TF: variants seen among roughly 807,000 people sequenced by gnomAD.
TF encodes transferrin.
In TF, 55 loss-of-function variants were observed where a neutral mutation model predicts 82.4. The observed-to-expected ratio is 0.67, with a 90% CI of 0.54 to 0.84. TF has a LOEUF of 0.84. Ranked by LOEUF, TF falls within the 40% of genes least tolerant of loss-of-function variation. TF has a pLI of 0.00. For synonymous variants in TF, 332 were observed against 332.6 expected, an observed-to-expected ratio of 1.00 and a Z score of 0.02; for missense variants, 737 against 868.4, an observed-to-expected ratio of 0.85 and a Z score of 1.90.
the TF span, among the ~76,000 whole-genome samples, chr3:133,682,677 C>T: frequency 0.014 from 2,055 of 152,118 alleles, 40 homozygotes; most frequent in African/African-American, 0.046. Context: ...TAAAAAGAAA[C>T]GAACAAAGCC....
At chr3:133,746,525 G>A in intron 1 of TF, 42 bp downstream of exon 1, 1 of 1,571,766 alleles carries the variant, frequency 6.4e-7, no homozygotes, top group Non-Finnish European at 8.6e-7. Flanking sequence ...TCGCTGGCCC[G>A]CGCGTTCCCT....
chr3:133,740,487 T>C, the TF span, among the ~76,000 whole-genome samples: 4 of 152,092 alleles, frequency 2.6e-5, no homozygotes, highest in African/African-American at 4.8e-5. Context: ...CATGCTACCA[T>C]GCCCGGCTAA....
At chr3:133,749,548 C>T (rs1288104238) in intron 2 of TF, among the ~76,000 whole-genome samples, 2 of 152,192 alleles carry the variant, frequency 1.3e-5, no homozygotes, top group Non-Finnish European at 2.9e-5. Flanking sequence ...CAGGGACTCA[C>T]AGAAAAACCT....
intron 14 of TF, chr3:133,774,144 A>T (rs547693106): frequency 7.9e-5 from 12 of 152,162 alleles, no homozygotes; most frequent in Non-Finnish European, 1.6e-4. Flanking sequence ...TATGTGTGTT[A>T]TTTTCCCCTC....
chr3:133,757,079 C>T lies in TF; in HGVS notation c.870+70C>T, dbSNP rs1190944904. ...TTGGATTTGGGGGTTTTCCTCCTGG[C>T]CATCTTGTCACTCTGGAAGTCTGTG... On this transcript the variant is annotated intron_variant, in intron 7 of 16. Transcript: ENST00000402696. The T allele has an allele frequency of 2.5e-6, 4 of 1,588,870 alleles. No individual in the cohort carries two copies. The East Asian group carries it at 6.7e-5, about 27-fold the overall frequency.
the TF span, among the ~76,000 whole-genome samples, chr3:133,708,742 T>C: frequency 6.7e-6 from 1 of 148,870 alleles, no homozygotes; most frequent in Non-Finnish European, 1.5e-5. Context: ...TATAAGTAAA[T>C]ACTATATGTA....
rs553046320 is a variant in TF, at chr3:133,793,103, T to C, written c.*14483T>C. On this transcript the variant is annotated 3_prime_UTR_variant, in exon 17 of 17. Transcript: ENST00000402696. The stretch of plus-strand genomic sequence containing the variant: ...ATTTGGCTTTCTCTCTTGAACAAGA[T>C]TTTCATGCAGTATTAAAAGATAATG... The C allele has an allele frequency of 6.6e-6, 1 of 152,248 alleles. No individual in the cohort carries two copies. The highest frequency in any genetic ancestry group is 2.1e-4 in the South Asian group (1 of 4,818). 9.4% of individuals were successfully genotyped at this position (152,248 alleles called of 1,614,324 possible).
the TF span, among the ~76,000 whole-genome samples, chr3:133,730,703 A>T: frequency 3.9e-5 from 6 of 152,250 alleles, no homozygotes; most frequent in African/African-American, 1.4e-4. Context: ...CCCTTTGAAG[A>T]TTAATAAAAG....
chr3:133,700,415 A>G, the TF span, among the ~76,000 whole-genome samples: 4 of 152,326 alleles, frequency 2.6e-5, no homozygotes, highest in African/African-American at 9.6e-5. Flanking sequence ...TGGAGGCCAG[A>G]AAGGGGAAGG....
chr3:133,713,241 T>C, the TF span, among the ~76,000 whole-genome samples: 2 of 152,344 alleles, frequency 1.3e-5, no homozygotes, highest in Admixed American at 1.3e-4. Flanking sequence ...GAAATATTTA[T>C]TGAGCACCTA....
At chr3:133,665,408 G>A in the TF span, among the ~76,000 whole-genome samples, 105,392 of 149,936 alleles carry the variant, frequency 0.7, 37,396 homozygotes, top group East Asian at 0.94. Flanking sequence ...TCAAGGCTGT[G>A]GTGAGTCATG....
chr3:133,723,688 G>C, the TF span, among the ~76,000 whole-genome samples: 1 of 130,288 alleles, frequency 7.7e-6, no homozygotes, highest in African/African-American at 3.1e-5. Flanking sequence ...TTAAGTTTTA[G>C]GGTACATGTG....
chr3:133,789,172 G>C lies in TF; in HGVS notation c.*10552G>C, dbSNP rs569779474. 1.3e-4 allele frequency: 20 copies of C among 152,362 alleles called. No homozygotes were observed. The highest frequency in any genetic ancestry group is 3.6e-4 in the African/African-American group (15 of 41,574). The allele number at this position is 152,362 out of a possible 1,614,324, so 9.4% of individuals were successfully genotyped here. ...GGATGCCCTTGGCAGCAGTTCTAAGGACTAGTACTAAGCCCTCCTTAGAAT... is the reference window on the plus strand; with the variant it reads ...GGATGCCCTTGGCAGCAGTTCTAAGCACTAGTACTAAGCCCTCCTTAGAAT... On this transcript the variant is annotated 3_prime_UTR_variant, in exon 17 of 17. Coordinates refer to ENST00000402696, the MANE Select transcript of TF (RefSeq NM_001063.4).
At chr3:133,714,555 G>C in the TF span, among the ~76,000 whole-genome samples, 8 of 152,234 alleles carry the variant, frequency 5.3e-5, no homozygotes, top group African/African-American at 1.9e-4. Context: ...TTGGTGTTAG[G>C]CTTGATGGTC....
intron 9 of TF, among the ~76,000 whole-genome samples, chr3:133,763,095 T>A (rs1282610310): frequency 6.6e-6 from 1 of 152,226 alleles, no homozygotes; most frequent in Admixed American, 6.5e-5. Flanking sequence ...ATAAGGAGTT[T>A]TCTGAATCAT....
In TF at chr3:133,770,561, A is replaced by T. The variant is rs753682414; in HGVS notation, c.1676A>T (p.Gln559Leu). Residue 559 changes from glutamine to leucine, a missense_variant, in exon 14 of 17, where the codon CAG becomes CTG. Transcript: ENST00000402696. ...VAFVKHQTVP[Q>L]NTGGKNPDPW... ...TTTGTGAAACACCAGACTGTCCCAC[A>T]GAACACTGGGGGTAAGTGCACCTGC... is the stretch of plus-strand genomic sequence containing the variant. 100 of 1,614,036 alleles carry T rather than the reference A, an allele frequency of 6.2e-5. No individual in the cohort carries two copies. Among genetic ancestry groups the T allele is most frequent in the Non-Finnish European group, 7.6e-5 (90 of 1,180,022 alleles).
chr3:133,666,986 A>C, the TF span, among the ~76,000 whole-genome samples: 7 of 152,042 alleles, frequency 4.6e-5, no homozygotes, highest in East Asian at 7.7e-4. Flanking sequence ...CAGTGAGCTG[A>C]GATCGTGCCA....
At chr3:133,713,985 G>A in the TF span, among the ~76,000 whole-genome samples, 3 of 152,210 alleles carry the variant, frequency 2.0e-5, no homozygotes, top group Non-Finnish European at 2.9e-5. Context: ...AAGTGCTACT[G>A]AGGAACCAAG....
Position 133,757,018 on chromosome 3 carries a change from A to C in TF, c.870+9A>C. The C allele has an allele frequency of 6.2e-7, 1 of 1,613,980 alleles. No homozygotes were observed. The highest frequency in any genetic ancestry group is 8.5e-7 in the Non-Finnish European group (1 of 1,179,998). On this transcript the variant is annotated intron_variant, in intron 7 of 16. Transcript: ENST00000402696. Reference sequence around the variant, plus strand: ...TTCTCAACCAGGCCCAGGTATCCCCACCTGCCATCCTCCCCTCCAGCTTAG... The same window carrying C: ...TTCTCAACCAGGCCCAGGTATCCCCCCCTGCCATCCTCCCCTCCAGCTTAG...
Sources: gnomAD v4.1 joint callset for allele counts (sites outside exome capture counted in the v4.1 genomes callset) on GRCh38, gnomAD v4.1.1 for gene constraint, MANE v1.5 for transcripts, NCBI Gene and HGNC (gene_info 2026-07-23, HGNC 2026-07-21) for gene names.